PATZ1: variants seen among roughly 807,000 people sequenced by gnomAD.
PATZ1 encodes POZ/BTB and AT hook containing zinc finger 1, also known as POZ-, AT hook-, and zinc finger-containing protein 1.
A neutral mutation model predicts 46.2 loss-of-function variants in PATZ1; 9 were observed. That is an observed-to-expected ratio of 0.19 (90% CI 0.12 to 0.34). The LOEUF is 0.34. PATZ1 is among the 10% of genes least tolerant of loss of function. PATZ1 has a pLI of 1.00. For synonymous variants in PATZ1, 426 were observed against 378.6 expected (o/e 1.13, Z -1.45); for missense variants, 632 against 923.0 (o/e 0.68, Z 4.08).
At chr22:31,342,869 C>T (rs2049600569) in intron 2 of PATZ1, 28 bp downstream of exon 2, 1 of 1,612,174 alleles carries the variant, frequency 6.2e-7, no homozygotes, top group Non-Finnish European at 8.5e-7. Flanking sequence ...TCTCCTTCAG[C>T]CCATCTCTGC....
At chr22:31,339,781 C>A (rs1342511263) in intron 2 of PATZ1, among the ~76,000 whole-genome samples, 22 of 152,234 alleles carry the variant, frequency 1.4e-4, no homozygotes, top group Admixed American at 1.4e-3. Context: ...GTCCTGCTCC[C>A]TTCCCAGACT....
intron 2 of PATZ1, among the ~76,000 whole-genome samples, chr22:31,336,805 C>CAA (rs747328196): frequency 5.6e-4 from 36 of 64,458 alleles, no homozygotes; most frequent in African/African-American, 1.4e-3. Context: ...GACTTCCTCT[C>CAA]AAAAAAAAAA....
rs2049381628 is a variant in PATZ1, at chr22:31,327,394, C to G, written c.1646-85G>C. ...GGAGGGGTCATGAGGGGCCAGCTCA[C>G]AGACCTGTGGAGGGCAGCCATTGGC... On this transcript the variant is annotated intron_variant, in intron 4 of 4. Coordinates refer to ENST00000266269, the MANE Select transcript of PATZ1 (RefSeq NM_014323.3). This position sits in a 1 kb window ranked among gnomAD's most constrained non-coding sequence, Gnocchi z 4.2. 2.5e-6 allele frequency: 3 copies of G among 1,181,592 alleles called. No homozygotes were observed. Among genetic ancestry groups the G allele is most frequent in the Non-Finnish European group, 3.6e-6 (3 of 835,096 alleles). 73.2% of individuals were successfully genotyped at this position (1,181,592 alleles called of 1,614,324 possible). A position where few individuals can be genotyped will look rare whatever the true frequency, so the allele number is the denominator to read the frequency against.
chr22:31,328,769 G>A lies in PATZ1; in HGVS notation c.1645+18C>T. On this transcript the variant is annotated intron_variant, in intron 4 of 4. Transcript: ENST00000266269. This position sits in a 1 kb window ranked among gnomAD's most constrained non-coding sequence, Gnocchi z 4.8. Reference sequence around the variant, plus strand: ...AGTCTGCGCAGAGAAGCAAAGTGCAGAGCAAGGGGTCGCTTGCCTTTGTTG... The same window carrying A: ...AGTCTGCGCAGAGAAGCAAAGTGCAAAGCAAGGGGTCGCTTGCCTTTGTTG... The A allele has an allele frequency of 6.2e-7, 1 of 1,611,014 alleles. No homozygotes were observed. Among genetic ancestry groups the A allele is most frequent in the Non-Finnish European group, 8.5e-7 (1 of 1,178,630 alleles).
At chr22:31,339,991 C>T (rs73158583) in intron 2 of PATZ1, among the ~76,000 whole-genome samples, 5,026 of 152,290 alleles carry the variant, frequency 0.033, 113 homozygotes, top group Middle Eastern at 0.058. Flanking sequence ...CTCTTTGGCC[C>T]CCTTCTTCTC....
chr22:31,343,404 G>A, intron 1 of PATZ1: 2 of 988,554 alleles, frequency 2.0e-6, no homozygotes, highest in Non-Finnish European at 2.4e-6. Context: ...ATGCCACCCG[G>A]ATGGAATTCA....
Position 31,341,194 on chromosome 22 carries a change from A to G in PATZ1, c.1335+1703T>C, listed in dbSNP as rs8135313. ...GGGGAAAAGGCAAGAGAGCCCAGAA[A>G]GAAACTTGGATGCTATAGGGGGTTC... On this transcript the variant is annotated intron_variant, in intron 2 of 4. Transcript: ENST00000266269. 13,038 of 1,249,702 alleles carry G rather than the reference A, an allele frequency of 0.01. 1,153 individuals carry two copies. In the African/African-American group the frequency reaches 0.18, roughly 17 times the overall value. 77.4% of individuals were successfully genotyped at this position (1,249,702 alleles called of 1,614,324 possible).
chr22:31,333,544 T>G (rs2049471634), intron 3 of PATZ1, among the ~76,000 whole-genome samples: 2 of 149,848 alleles, frequency 1.3e-5, no homozygotes. Flanking sequence ...AGTAGAATCC[T>G]GCTCCTTCTC....
intron 2 of PATZ1, chr22:31,341,002 G>A (rs1429851218): frequency 2.8e-6 from 3 of 1,075,520 alleles, no homozygotes; most frequent in Non-Finnish European, 3.4e-6. Flanking sequence ...ACTCACTCGT[G>A]GAGTGGGGAA....
rs1251772555 is a variant in PATZ1, at chr22:31,345,909, G to A, written c.-307C>T. On this transcript the variant is annotated 5_prime_UTR_variant, in exon 1 of 5. Transcript: ENST00000266269. The surrounding 1 kb of genome is among the most constrained non-coding windows in gnomAD (Gnocchi z 7.4). The stretch of plus-strand genomic sequence containing the variant: ...TTCCGGGGGGGTGCGCGAGCGAAGA[G>A]GTGCGCCCCTCCTGCAAACGCGCCT... 9.0e-6 allele frequency: 3 copies of A among 334,146 alleles called. No homozygotes were observed. The highest frequency in any genetic ancestry group is 9.0e-5 in the East Asian group (2 of 22,178). The allele number at this position is 334,146 out of a possible 1,614,324, so 20.7% of individuals were successfully genotyped here.
rs1029123116 is a variant in PATZ1 at position 31,346,316 on chromosome 22, C to T, written c.-714G>A. On this transcript the variant is annotated 5_prime_UTR_variant, in exon 1 of 5. Coordinates refer to ENST00000266269, the MANE Select transcript of PATZ1 (RefSeq NM_014323.3). The stretch of plus-strand genomic sequence containing the variant: ...GGAGCGGCGGCTGTGCGGCCCCGGG[C>T]TCCGTGTGTTCGGAGCGGAGGAAAG... 6.7e-4 allele frequency: 104 copies of T among 154,234 alleles called. No homozygotes were observed. The highest frequency in any genetic ancestry group is 1.2e-3 in the Admixed American group (18 of 15,240). 9.6% of individuals were successfully genotyped at this position (154,234 alleles called of 1,614,324 possible).
chr22:31,340,587 A>T, intron 2 of PATZ1: 1 of 657,824 alleles, frequency 1.5e-6, no homozygotes, highest in Non-Finnish European at 1.9e-6. Context: ...GTATGTTGGG[A>T]GGGGCAGGGC....
At chr22:31,337,460 T>C (rs1284634622) in intron 2 of PATZ1, among the ~76,000 whole-genome samples, 3 of 152,190 alleles carry the variant, frequency 2.0e-5, no homozygotes, top group Non-Finnish European at 4.4e-5. Context: ...CCTGACTTAG[T>C]ACCAGTGATC....
chr22:31,328,477 C>A lies in PATZ1; in HGVS notation c.1645+310G>T, dbSNP rs922705407. 3.3e-5 allele frequency among the ~76,000 whole-genome samples: 5 copies of A among 152,208 alleles called. No individual in the cohort carries two copies. The highest frequency in any genetic ancestry group is 7.3e-5 in the Non-Finnish European group (5 of 68,038). On this transcript the variant is annotated intron_variant, in intron 4 of 4. Transcript: ENST00000266269. This position sits in a 1 kb window ranked among gnomAD's most constrained non-coding sequence, Gnocchi z 4.8. ...CCATAGTGACTCATCATGCAGGGCT[C>A]TTCTTCTGCCCAGGGCCCGGGGCAT...
chr22:31,338,209 T>G (rs1484309467), intron 2 of PATZ1, among the ~76,000 whole-genome samples: 2 of 152,136 alleles, frequency 1.3e-5, no homozygotes, highest in African/African-American at 4.8e-5. Context: ...CCCTGGGGGA[T>G]TCTGATCTCT....
At chr22:31,333,249 T>C (rs999479013) in intron 3 of PATZ1, among the ~76,000 whole-genome samples, 1 of 152,178 alleles carries the variant, frequency 6.6e-6, no homozygotes, top group Non-Finnish European at 1.5e-5. Flanking sequence ...ATTGTTGGGA[T>C]TGAAGGATCT....
At position 31,327,543 on chromosome 22, in the gene PATZ1, C is replaced by T. The variant is rs558078554; in HGVS notation, c.1646-234G>A. 6.6e-6 allele frequency among the ~76,000 whole-genome samples: 1 copy of T among 152,218 alleles called. No homozygotes were observed. Among genetic ancestry groups the T allele is most frequent in the Non-Finnish European group, 1.5e-5 (1 of 68,012 alleles). On this transcript the variant is annotated intron_variant, in intron 4 of 4. Transcript: ENST00000266269. The surrounding 1 kb of genome is among the most constrained non-coding windows in gnomAD (Gnocchi z 4.2). ...CCTCCCTTGCTGTGGACTCTTCATG[C>T]AGCTGCACATGTACTGCTCACCGTC...
chr22:31,345,783 A>G lies in PATZ1; in HGVS notation c.-181T>C, dbSNP rs1289224399. On this transcript the variant is annotated 5_prime_UTR_variant, in exon 1 of 5. Coordinates refer to ENST00000266269, the MANE Select transcript of PATZ1 (RefSeq NM_014323.3). This position sits in a 1 kb window ranked among gnomAD's most constrained non-coding sequence, Gnocchi z 7.4. ...CCCCAGCCCGGATCAGACTGTCTAG[A>G]CTGCGGGGTGCACCACCCCCCACAT... is the stretch of plus-strand genomic sequence containing the variant. The G allele has an allele frequency of 1.7e-6, 1 of 586,092 alleles. No homozygotes were observed. The highest frequency in any genetic ancestry group is 2.8e-6 in the Non-Finnish European group (1 of 352,380). 36.3% of individuals were successfully genotyped at this position (586,092 alleles called of 1,614,324 possible). A position where few individuals can be genotyped will look rare whatever the true frequency, so the allele number is the denominator to read the frequency against.
chr22:31,336,840 T>G (rs1601490818), intron 2 of PATZ1, among the ~76,000 whole-genome samples: 2 of 133,708 alleles, frequency 1.5e-5, no homozygotes, highest in African/African-American at 5.7e-5. Context: ...CCGGGCGCGG[T>G]GGCTCACACC....
Sources: gnomAD v4.1 joint callset for allele counts (sites outside exome capture counted in the v4.1 genomes callset) on GRCh38, gnomAD v4.1.1 for gene constraint, Gnocchi (gnomAD v3.1) non-coding constraint, MANE v1.5 for transcripts, NCBI Gene and HGNC (gene_info 2026-07-23, HGNC 2026-07-21) for gene names.